REV3L: variants seen among roughly 807,000 people sequenced by gnomAD.
REV3L encodes DNA polymerase zeta catalytic subunit.
REV3L carries 69 observed loss-of-function variants against 299.4 expected under a neutral mutation model. The ratio of observed to expected loss-of-function variants is 0.23; its 90% confidence interval spans 0.19 to 0.28. REV3L has a LOEUF of 0.28. Among genes scored for constraint, REV3L ranks in the 10% least tolerant of loss-of-function variants. The probability of loss-of-function intolerance (pLI) is 1.00; values close to 1 mark genes in which losing one functional copy is unlikely to be tolerated. For synonymous variants in REV3L, 1,238 were observed against 1,271.4 expected (o/e 0.97, Z 0.56); for missense variants, 3,128 against 3,693.8 (o/e 0.85, Z 3.97).
At chr6:111,430,162 T>C (rs17539260) in intron 1 of REV3L, 16,190 of 790,338 alleles carry the variant, frequency 0.02, 304 homozygotes, top group South Asian at 0.054. Flanking sequence ...CCTGTGGGAT[T>C]AGACTTGCCC....
intron 17 of REV3L, among the ~76,000 whole-genome samples, chr6:111,358,309 A>G (rs17072645): frequency 0.014 from 2,148 of 152,308 alleles, 45 homozygotes; most frequent in Admixed American, 0.06. Flanking sequence ...ATATGCATAC[A>G]TAAGGAAGAC....
At chr6:111,469,619 T>G (rs1236826385) in intron 1 of REV3L, among the ~76,000 whole-genome samples, 2 of 152,196 alleles carry the variant, frequency 1.3e-5, no homozygotes, top group African/African-American at 4.8e-5. Flanking sequence ...ACTAGTTACT[T>G]CTGTAAACCC....
At position 111,373,018 on chromosome 6, in the gene REV3L, C is replaced by G. The variant is rs376697203; in HGVS notation, c.5337G>C (p.Arg1779Ser). ...GAAACACTTCTTTGCTTACTGAACTCCTATTCAATCTAGATTTTTCACTTA... is the reference window on the plus strand; with the variant it reads ...GAAACACTTCTTTGCTTACTGAACTGCTATTCAATCTAGATTTTTCACTTA... Reference protein sequence around the residue: ...DCLSEKSRLNRSSVSKEVFLS... With the variant: ...DCLSEKSRLNSSSVSKEVFLS... Residue 1779 changes from arginine to serine, a missense_variant, in exon 13 of 32, where the codon AGG (arginine) becomes AGC (serine). Physicochemically the swap from Arg to Ser is moderately radical, Grantham distance 110. Transcript: ENST00000368802. The G allele has an allele frequency of 1.2e-6, 2 of 1,614,010 alleles. No homozygotes were observed. Among genetic ancestry groups the G allele is most frequent in the African/African-American group, 2.7e-5 (2 of 74,924 alleles).
intron 1 of REV3L, among the ~76,000 whole-genome samples, chr6:111,477,512 C>A (rs1793078484): frequency 6.6e-6 from 1 of 152,158 alleles, no homozygotes; most frequent in South Asian, 2.1e-4. Context: ...AAAACATTCT[C>A]AGCAGGGGCA....
intron 1 of REV3L, among the ~76,000 whole-genome samples, chr6:111,439,478 A>C (rs1787982479): frequency 6.6e-6 from 1 of 152,202 alleles, no homozygotes; most frequent in African/African-American, 2.4e-5. Context: ...CTACACGAAA[A>C]GTTGCCAAAG....
chr6:111,300,969 CAG>C (rs1440945502), intron 31 of REV3L, among the ~76,000 whole-genome samples: 3 of 152,204 alleles, frequency 2.0e-5, no homozygotes, highest in South Asian at 2.1e-4. Context: ...CCTGGCAGAA[CAG>C]AGTCATATTT....
In REV3L at chr6:111,437,104, T is replaced by G. The variant is rs578182684; in HGVS notation, c.140-20632A>C. ...AAAAGTCAGACAATAACTAGTGTTG[T>G]GGAGAAACTGGAAATTTCATACACT... On this transcript the variant is annotated intron_variant, in intron 1 of 31. Coordinates refer to ENST00000368802, the MANE Select transcript of REV3L (RefSeq NM_001372078.1). Among the ~76,000 whole-genome samples, 10 of 152,282 alleles carry G rather than the reference T, an allele frequency of 6.6e-5. No homozygotes were observed. The South Asian group carries it at 2.1e-3, about 32-fold the overall frequency.
At chr6:111,438,553 A>T (rs1335590218) in intron 1 of REV3L, among the ~76,000 whole-genome samples, 3 of 151,978 alleles carry the variant, frequency 2.0e-5, no homozygotes, top group South Asian at 2.1e-4. Flanking sequence ...AAATAAACTA[A>T]CAAGAAAGAA....
chr6:111,389,391 T>C (rs1781672890), intron 6 of REV3L, among the ~76,000 whole-genome samples, 181 bp from the exon 7 acceptor site: 1 of 152,204 alleles, frequency 6.6e-6, no homozygotes. Context: ...TTCTTCCTAG[T>C]GGTTCCCCAA....
intron 1 of REV3L, among the ~76,000 whole-genome samples, chr6:111,479,811 C>T (rs889044206): frequency 6.6e-6 from 1 of 152,088 alleles, no homozygotes; most frequent in African/African-American, 2.4e-5. Context: ...GCACCCAGCC[C>T]TGAATATCCC....
chr6:111,430,280 G>C (rs1222362943), intron 1 of REV3L: 3 of 1,042,774 alleles, frequency 2.9e-6, no homozygotes, highest in Non-Finnish European at 3.0e-6. Context: ...GCAGAGAAAA[G>C]ATCCAAGTGC....
chr6:111,323,074 T>C (rs2114785998), intron 25 of REV3L, among the ~76,000 whole-genome samples: 2 of 152,000 alleles, frequency 1.3e-5, no homozygotes, highest in Admixed American at 1.3e-4. Context: ...CTGCAACCTC[T>C]GCCTCCTGGG....
chr6:111,406,879 T>G (rs1464288515), intron 3 of REV3L, among the ~76,000 whole-genome samples: 1 of 152,206 alleles, frequency 6.6e-6, no homozygotes, highest in Non-Finnish European at 1.5e-5. Context: ...CTGAGCACTA[T>G]ATATTGGATA....
Position 111,375,511 on chromosome 6 carries a change from G to T in REV3L, c.2844C>A (p.Pro948=). The T allele has an allele frequency of 1.2e-6, 2 of 1,606,292 alleles. No individual in the cohort carries two copies. Among genetic ancestry groups the T allele is most frequent in the Non-Finnish European group, 1.7e-6 (2 of 1,178,142 alleles). The change falls in exon 13 of 32, where the codon CCC becomes CCA. Residue 948 remains proline, a synonymous_variant. Coordinates refer to ENST00000368802, the MANE Select transcript of REV3L (RefSeq NM_001372078.1). The part of the protein sequence containing the change: ...THNSKISLPH[P]MEIGESLDGT... ...CATCTAAACTTTCACCAATTTCCAT[G>T]GGATGAGGTAGACTAATTTTTGAGT...
At chr6:111,338,311 CCTTTTTTTTTTTTTTT>C (rs1239584656) in intron 21 of REV3L, among the ~76,000 whole-genome samples, 113 of 49,052 alleles carry the variant, frequency 2.3e-3, no homozygotes, top group African/African-American at 0.013. Flanking sequence ...AGTCTAAAGT[CCTTTTTTTTTTTTTTT>C]TTTTTTTTTT....
At chr6:111,341,759 G>GC (rs1172174297) in intron 21 of REV3L, among the ~76,000 whole-genome samples, 4 of 151,752 alleles carry the variant, frequency 2.6e-5, no homozygotes, top group Non-Finnish European at 5.9e-5. Flanking sequence ...CAGGAGTTGG[G>GC]GGGGGTCAGA....
chr6:111,460,215 A>G (rs148171895), intron 1 of REV3L: 1 of 152,242 alleles, frequency 6.6e-6, no homozygotes, highest in Non-Finnish European at 1.5e-5. Flanking sequence ...CAGCCAAACC[A>G]TGAGTACATA....
At chr6:111,369,341 T>C (rs566975252) in intron 13 of REV3L, among the ~76,000 whole-genome samples, 2 of 151,402 alleles carry the variant, frequency 1.3e-5, no homozygotes, top group African/African-American at 4.9e-5. Flanking sequence ...TCTTACATAT[T>C]GTCAGCAGCA....
chr6:111,352,552 A>ATG (rs1392147397), intron 18 of REV3L, among the ~76,000 whole-genome samples: 1 of 152,132 alleles, frequency 6.6e-6, no homozygotes, highest in Non-Finnish European at 1.5e-5. Context: ...CTGCCCTTAA[A>ATG]CAGTTTTAAT....
Sources: allele counts gnomAD v4.1 joint callset (sites outside exome capture counted in the v4.1 genomes callset), GRCh38; gene constraint gnomAD v4.1.1; transcripts MANE v1.5; gene names NCBI Gene and HGNC (gene_info 2026-07-23, HGNC 2026-07-21).